The following MADD variants were observed in gnomAD, a reference collection of about 807,000 sequenced individuals.
The protein encoded by MADD is MAP kinase activating death domain, also known as MAP kinase-activating death domain protein.
MADD carries 109 observed loss-of-function variants against 176.7 expected under a neutral mutation model. That is an observed-to-expected ratio of 0.62 (90% CI 0.53 to 0.72). MADD has a LOEUF of 0.72. Ranked by LOEUF, MADD falls within the 30% of genes least tolerant of loss-of-function variation. The probability of loss-of-function intolerance (pLI) is 0.00; values close to 1 mark genes in which losing one functional copy is unlikely to be tolerated. For synonymous variants in MADD, 771 were observed against 771.3 expected (o/e 1.00, Z 0.01); for missense variants, 1,914 against 2,045.5 (o/e 0.94, Z 1.24).
At chr11:47,298,919 G>C (rs1432779548) in intron 22 of MADD, among the ~76,000 whole-genome samples, 1 of 152,192 alleles carries the variant, frequency 6.6e-6, no homozygotes, top group Non-Finnish European at 1.5e-5. Flanking sequence ...TTTCCGAGCA[G>C]CATTTATTGA....
rs767356267 is a variant in MADD, at chr11:47,289,953, G to A, written c.2843G>A (p.Arg948Gln). 6 of 1,614,134 alleles carry A rather than the reference G, an allele frequency of 3.7e-6. No individual in the cohort carries two copies. The highest frequency in any genetic ancestry group is 4.2e-6 in the Non-Finnish European group (5 of 1,180,038). ...TGGCTCAACATGAAAAAGGTGCGCC[G>A]GCTGCTGGAGAGCGAGCAGCTGCGA... is the stretch of plus-strand genomic sequence containing the variant. The change falls in exon 17 of 33, where the codon CGG (arginine) becomes CAG (glutamine). Residue 948 changes from arginine to glutamine, a missense_variant. By Grantham distance (43) the Arg-to-Gln change is conservative. This residue lies in a region of MADD where 1,767 missense variants were observed against 1,836.0 expected (regional missense o/e 0.96). Coordinates refer to ENST00000402192, the Ensembl canonical transcript of MADD.
intron 31 of MADD, 50 bp from the exon 36 acceptor site, chr11:47,328,608 T>G (rs1206972678): frequency 6.2e-7 from 1 of 1,613,462 alleles, no homozygotes; most frequent in Non-Finnish European, 8.5e-7. Context: ...ATGGCACGAT[T>G]GCTCTTAGTG....
chr11:47,311,983 A>G, intron 26 of MADD, 141 bp downstream of exon 29: 2 of 603,908 alleles, frequency 3.3e-6, no homozygotes, highest in Non-Finnish European at 5.9e-6. Context: ...GTGTTCTGTG[A>G]TGGGATTCTC....
chr11:47,282,503 C>A lies in MADD; in HGVS notation c.1592C>A (p.Ser531Ter), dbSNP rs749517991. ...TTTCAAGCTGGCTCCTTTCTAGCCT[C>A]ACGTCCCCGGCAGACTCCTTTTGCC... Residue 531 changes from serine to a stop codon, truncating the protein, a stop_gained, in exon 9 of 33, where the codon TCA becomes TAA. Transcript: ENST00000402192. LOFTEE classifies it high-confidence loss of function. 6.2e-7 allele frequency: 1 copy of A among 1,614,186 alleles called. No individual in the cohort carries two copies. Among genetic ancestry groups the A allele is most frequent in the Non-Finnish European group, 8.5e-7 (1 of 1,180,048 alleles).
intron 19 of MADD, among the ~76,000 whole-genome samples, chr11:47,292,234 T>C (rs1191075080): frequency 1.3e-5 from 2 of 152,196 alleles, no homozygotes; most frequent in Non-Finnish European, 1.5e-5. Context: ...CCAGCCTCTT[T>C]AGGACCAGTT....
chr11:47,314,868 AAT>A (rs766464652), intron 26 of MADD, among the ~76,000 whole-genome samples: 10 of 152,044 alleles, frequency 6.6e-5, no homozygotes, highest in Non-Finnish European at 1.2e-4. Context: ...TTTTTTTGAA[AAT>A]ATAGTTATTT....
At chr11:47,309,219 T>C in intron 23 of MADD, 62 bp from the exon 27 acceptor site, 2 of 1,580,914 alleles carry the variant, frequency 1.3e-6, no homozygotes, top group South Asian at 1.2e-5. Context: ...TCTTTATTTT[T>C]GTTTGGCAGC....
chr11:47,327,297 A>AG (rs1360915922), intron 31 of MADD: 1 of 989,796 alleles, frequency 1.0e-6, no homozygotes. Flanking sequence ...AGAGGAGTCT[A>AG]GCGGGACAGC....
chr11:47,288,304 GAAAC>G lies in MADD; in HGVS notation c.2654-1079_2654-1076del, dbSNP rs530702473. 2.4e-4 allele frequency among the ~76,000 whole-genome samples: 36 copies of G among 152,256 alleles called. No homozygotes were observed. In the South Asian group the frequency reaches 6.0e-3, roughly 25 times the overall value. ...ACCCTGTCTCTAAAAGAAGCCAACA[GAAAC>G]AAACAAAGTTGTCAGGAGTCTAAGA... On this transcript the variant is annotated intron_variant, in intron 15 of 32. Transcript: ENST00000402192.
chr11:47,306,511 T>C (rs759828466), intron 22 of MADD, among the ~76,000 whole-genome samples: 1 of 152,188 alleles, frequency 6.6e-6, no homozygotes, highest in Non-Finnish European at 1.5e-5. Flanking sequence ...TAGAGGACTG[T>C]AGGGAAGCCA....
At chr11:47,295,554 G>A (rs1447497197) in exon 21 of MADD, 1 of 1,613,976 alleles carries the variant, frequency 6.2e-7, no homozygotes, top group Non-Finnish European at 8.5e-7. Context: ...CGCAGCTCAA[G>A]TCAGGATTCT....
intron 22 of MADD, among the ~76,000 whole-genome samples, chr11:47,301,022 C>T (rs2077308127): frequency 7.4e-6 from 1 of 135,596 alleles, no homozygotes; most frequent in African/African-American, 2.7e-5. Context: ...TCTTTTCACT[C>T]TCTCTCTTTT....
At position 47,325,118 on chromosome 11, in the gene MADD, C is replaced by CT. The variant is rs1421792224; in HGVS notation, c.4542+542dup. ...TCTTCTTCCTGTTCTTTTCCTTCCT[C>CT]TGAGTGTTCCCACTCTGTCCCCTGC... On this transcript the variant is annotated intron_variant, in intron 30 of 32. Coordinates refer to ENST00000402192, the Ensembl canonical transcript of MADD. The surrounding 1 kb of genome is among the most constrained non-coding windows in gnomAD (Gnocchi z 4.5). 1.2e-5 allele frequency: 3 copies of CT among 246,664 alleles called. No homozygotes were observed. Among genetic ancestry groups the CT allele is most frequent in the Non-Finnish European group, 2.4e-5 (3 of 125,882 alleles). The allele number at this position is 246,664 out of a possible 1,614,324, so 15.3% of individuals were successfully genotyped here. A position where few individuals can be genotyped will look rare whatever the true frequency, so the allele number is the denominator to read the frequency against.
rs199785975 is a variant in MADD, at chr11:47,290,813, A to G, written c.3298A>G (p.Ile1100Val). 1.8e-4 allele frequency: 294 copies of G among 1,609,656 alleles called. No homozygotes were observed. The highest frequency in any genetic ancestry group is 3.7e-4 in the Admixed American group (22 of 59,924). ...AAAGGAAGAAAATTTTATAGCATCT[A>G]TTGGTACGTATCAGTGTGTTTGGTG... is the stretch of plus-strand genomic sequence containing the variant. The change falls in exon 19 of 33, where the codon ATT becomes GTT. Residue 1100 changes from isoleucine to valine, a missense_variant. By Grantham distance (29) the Ile-to-Val change is conservative (BLOSUM62 3). Coordinates refer to ENST00000402192, the Ensembl canonical transcript of MADD.
At position 47,295,966 on chromosome 11, in the gene MADD, G is replaced by C. The variant is rs776308236; in HGVS notation, c.3553G>C (p.Gly1185Arg). Residue 1185 changes from glycine (G) to arginine (R), a missense_variant, in exon 22 of 33, where the codon GGT (glycine) becomes CGT (arginine). Coordinates refer to ENST00000402192, the Ensembl canonical transcript of MADD. Reference sequence around the variant, plus strand: ...GAGCAGCAATGCAGGTGATGGACCAGGTGGCGAGGGCAGTGTTCACCTGGC... The same window carrying C: ...GAGCAGCAATGCAGGTGATGGACCACGTGGCGAGGGCAGTGTTCACCTGGC... The C allele has an allele frequency of 2.5e-6, 4 of 1,613,982 alleles. No homozygotes were observed. In the Admixed American group the frequency reaches 5.0e-5, roughly 20 times the overall value.
chr11:47,292,708 C>G (rs566489520), intron 19 of MADD, 112 bp downstream of exon 21: 2 of 1,026,348 alleles, frequency 1.9e-6, no homozygotes, highest in Admixed American at 1.8e-5. Flanking sequence ...GCTCTTAGAG[C>G]GTGTTTGGAA....
intron 27 of MADD, among the ~76,000 whole-genome samples, chr11:47,319,671 C>T (rs1383869455): frequency 6.6e-6 from 1 of 152,060 alleles, no homozygotes; most frequent in African/African-American, 2.4e-5. Flanking sequence ...TTTGTTTTTG[C>T]ACTTACGAAA....
intron 15 of MADD, among the ~76,000 whole-genome samples, chr11:47,288,465 A>G (rs1039727378): frequency 1.3e-5 from 2 of 152,230 alleles, no homozygotes; most frequent in African/African-American, 4.8e-5. Flanking sequence ...GAAGGGTGTC[A>G]GTGTCACTGG....
At chr11:47,321,739 A>G (rs188064280) in intron 27 of MADD, among the ~76,000 whole-genome samples, 6 of 152,246 alleles carry the variant, frequency 3.9e-5, no homozygotes, top group East Asian at 3.9e-4. Flanking sequence ...GCTAGAACCA[A>G]TGGGACTCAG....
Sources: gnomAD v4.1 joint callset for allele counts (sites outside exome capture counted in the v4.1 genomes callset) on GRCh38, gnomAD v4.1.1 for gene constraint, gnomAD v4.1.1 regional missense constraint, Gnocchi (gnomAD v3.1) non-coding constraint, MANE v1.5 for transcripts, NCBI Gene and HGNC (gene_info 2026-07-23, HGNC 2026-07-21) for gene names.